MGST1: variants seen among roughly 807,000 people sequenced by gnomAD.
The protein encoded by MGST1 is glutathione S-transferase 12.
A neutral mutation model predicts 8.9 loss-of-function variants in MGST1; 5 were observed. That is an observed-to-expected ratio of 0.56 (90% CI 0.29 to 1.19). MGST1 has a LOEUF of 1.19. Among genes scored for constraint, MGST1 ranks in the 50% most tolerant of loss-of-function variants. MGST1 has a pLI of 0.08. For missense variants in MGST1, 182 were observed against 187.4 expected, an observed-to-expected ratio of 0.97 and a Z score of 0.17; for synonymous variants, 54 against 67.8, an observed-to-expected ratio of 0.80 and a Z score of 1.00.
chr12:16,591,168 C>T (rs143477675), downstream of MGST1, among the ~76,000 whole-genome samples: 25 of 152,064 alleles, frequency 1.6e-4, no homozygotes, highest in African/African-American at 5.8e-4. This position sits in a 1 kb window ranked among gnomAD's most constrained non-coding sequence, Gnocchi z 4.1. Flanking sequence ...CAGTGACTAC[C>T]CCTTATTCTT....
chr12:16,444,252 G>A (rs1000735990), intron 4 of MGST1, among the ~76,000 whole-genome samples: 3 of 149,684 alleles, frequency 2.0e-5, no homozygotes, highest in African/African-American at 7.4e-5. Context: ...GCTTCTGTGG[G>A]TATTAAGTTA....
Position 16,361,091 on chromosome 12 carries a change from G to A in MGST1, c.222-2704G>A, listed in dbSNP as rs1032387451. Among the ~76,000 whole-genome samples, 2 of 151,358 alleles carry A rather than the reference G, an allele frequency of 1.3e-5. No individual in the cohort carries two copies. The highest frequency in any genetic ancestry group is 4.9e-5 in the African/African-American group (2 of 41,104). On this transcript the variant is annotated intron_variant, in intron 3 of 3. Transcript: ENST00000396210. This position sits in a 1 kb window ranked among gnomAD's most constrained non-coding sequence, Gnocchi z 4.2. ...ATTTCATAAAGGAAGACCTTGAAGA[G>A]TATTAGGATTTGAAAGGAGAAAGAG...
chr12:16,461,395 C>T lies in MGST1; in HGVS notation n.482+77791C>T, dbSNP rs537535007. Among the ~76,000 whole-genome samples the T allele has an allele frequency of 5.3e-4, 81 of 152,252 alleles. No individual in the cohort carries two copies. The Middle Eastern group carries it at 0.01, about 19-fold the overall frequency. On this transcript the variant is annotated intron_variant and non_coding_transcript_variant, in intron 4 of 4. Coordinates refer to the MGST1 transcript ENST00000538857. The stretch of plus-strand genomic sequence containing the variant: ...GTCAGACTCACTAAGGTACATCATT[C>T]CAAACAGTTTATCAGACGTACAACC...
intron 4 of MGST1, among the ~76,000 whole-genome samples, chr12:16,498,452 C>G (rs73070162): frequency 1.3e-4 from 20 of 152,282 alleles, no homozygotes; most frequent in Non-Finnish European, 2.2e-4. Context: ...TCTTCTTCCT[C>G]AACTCCTCCA....
At chr12:16,396,544 C>T (rs1198041004) in intron 1 of MGST1, among the ~76,000 whole-genome samples, 9 of 152,082 alleles carry the variant, frequency 5.9e-5, no homozygotes, top group Admixed American at 5.9e-4. Context: ...ATCCTAAAGA[C>T]TCCTCCAAAC....
chr12:16,553,536 T>C (rs1229347398), intron 4 of MGST1, among the ~76,000 whole-genome samples: 1 of 152,164 alleles, frequency 6.6e-6, no homozygotes, highest in African/African-American at 2.4e-5. Flanking sequence ...ATTACTAATA[T>C]GTTATCAACT....
In MGST1 at chr12:16,586,776, T is replaced by C. The variant is rs556451748; in HGVS notation, n.483-2752T>C. Among the ~76,000 whole-genome samples the C allele has an allele frequency of 2.2e-4, 33 of 152,316 alleles. No homozygotes were observed. Among genetic ancestry groups the C allele is most frequent in the Admixed American group, 6.5e-4 (10 of 15,286 alleles). The stretch of plus-strand genomic sequence containing the variant: ...AAGCTCCTGTGGCTCAGATTATTTA[T>C]TGCATTACTTTTGTAACCTTTCTCC... On this transcript the variant is annotated intron_variant and non_coding_transcript_variant, in intron 4 of 4. Coordinates refer to the MGST1 transcript ENST00000538857. This position sits in a 1 kb window ranked among gnomAD's most constrained non-coding sequence, Gnocchi z 4.3.
Position 16,584,435 on chromosome 12 carries a change from G to A in MGST1, n.483-5093G>A, listed in dbSNP as rs118118872. On this transcript the variant is annotated intron_variant and non_coding_transcript_variant, in intron 4 of 4. Coordinates refer to the MGST1 transcript ENST00000538857. The surrounding 1 kb of genome is among the most constrained non-coding windows in gnomAD (Gnocchi z 5.2). ...GAAAGGCATCTGGCCAAAAGATTGT[G>A]GACACAGCAAAAGTTATTGACAAGG... Among the ~76,000 whole-genome samples the A allele has an allele frequency of 0.01, 1,580 of 152,212 alleles. 14 individuals are homozygous for A. The highest frequency in any genetic ancestry group is 0.015 in the Non-Finnish European group (1,022 of 68,022).
At chr12:16,571,292 C>T (rs1038544934) in intron 4 of MGST1, among the ~76,000 whole-genome samples, 4 of 152,026 alleles carry the variant, frequency 2.6e-5, no homozygotes, top group Non-Finnish European at 2.9e-5. Context: ...TTTTATTGTA[C>T]TGAATTTCTT....
intron 1 of MGST1, among the ~76,000 whole-genome samples, chr12:16,386,094 C>T (rs745782781): frequency 4.5e-4 from 68 of 152,242 alleles, no homozygotes; most frequent in Admixed American, 8.5e-4. Context: ...TGCCTGTTTG[C>T]CTTCGGAGGC....
intron 4 of MGST1, among the ~76,000 whole-genome samples, chr12:16,501,807 AAAG>A: frequency 6.6e-6 from 1 of 152,302 alleles, no homozygotes; most frequent in Non-Finnish European, 1.5e-5. Flanking sequence ...GAATGCTATT[AAAG>A]AATTACTGGT....
downstream of MGST1, among the ~76,000 whole-genome samples, chr12:16,364,852 G>T (rs548734750): frequency 6.6e-6 from 1 of 152,206 alleles, no homozygotes; most frequent in South Asian, 2.1e-4. The surrounding 1 kb of genome is among the most constrained non-coding windows in gnomAD (Gnocchi z 5.7). Context: ...TCACTTAAAT[G>T]AGAGAGTTCT....
At chr12:16,416,532 G>A (rs531531091) in intron 1 of MGST1, among the ~76,000 whole-genome samples, 2 of 152,164 alleles carry the variant, frequency 1.3e-5, no homozygotes, top group Non-Finnish European at 2.9e-5. Flanking sequence ...GATTTCTTAC[G>A]TGGCAGGGTG....
At chr12:16,403,670 G>T (rs1940677775) in intron 1 of MGST1, among the ~76,000 whole-genome samples, 1 of 152,020 alleles carries the variant, frequency 6.6e-6, no homozygotes, top group African/African-American at 2.4e-5. Flanking sequence ...ATTTATAAAG[G>T]AAAGAGGTTT....
chr12:16,461,264 A>C (rs547683452), intron 4 of MGST1, among the ~76,000 whole-genome samples: 1 of 151,978 alleles, frequency 6.6e-6, no homozygotes, highest in South Asian at 2.1e-4. Flanking sequence ...AAAGATGCAA[A>C]TTATTATTAA....
At chr12:16,588,314 G>A (rs1943385056) in intron 4 of MGST1, among the ~76,000 whole-genome samples, 1 of 151,878 alleles carries the variant, frequency 6.6e-6, no homozygotes, top group African/African-American at 2.4e-5. Context: ...TAATCAAATT[G>A]TTTAAAGAAC....
At chr12:16,348,465 G>T (rs1939299726) in intron 1 of MGST1, among the ~76,000 whole-genome samples, 1 of 152,150 alleles carries the variant, frequency 6.6e-6, no homozygotes, top group African/African-American at 2.4e-5. Flanking sequence ...GCTGGCTTGG[G>T]ACAGAGGAGA....
At chr12:16,377,433 G>T (rs1164294620), downstream of MGST1, among the ~76,000 whole-genome samples, 1 of 151,588 alleles carries the variant, frequency 6.6e-6, no homozygotes, top group African/African-American at 2.4e-5. Context: ...TGCTGAGAAT[G>T]ATGGTTTCCA....
At chr12:16,511,154 C>T (rs554246551) in intron 4 of MGST1, among the ~76,000 whole-genome samples, 7 of 152,214 alleles carry the variant, frequency 4.6e-5, no homozygotes, top group Admixed American at 6.5e-5. Flanking sequence ...TTATCACAGC[C>T]GAGCTGAAAG....
Sources: gnomAD v4.1 joint callset for allele counts (sites outside exome capture counted in the v4.1 genomes callset) on GRCh38, gnomAD v4.1.1 for gene constraint, Gnocchi (gnomAD v3.1) non-coding constraint, MANE v1.5 for transcripts, NCBI Gene and HGNC (gene_info 2026-07-23, HGNC 2026-07-21) for gene names.